TRPV1: variants seen among roughly 807,000 people sequenced by gnomAD.
The protein encoded by TRPV1 is transient receptor potential cation channel subfamily V member 1.
In TRPV1, 82 loss-of-function variants were observed where a neutral mutation model predicts 82.3. That is an observed-to-expected ratio of 1.00 (90% CI 0.83 to 1.20). TRPV1 has a LOEUF of 1.20. TRPV1 is among the 50% of genes most tolerant of loss of function. The pLI is 0.00. For missense variants in TRPV1, 1,067 were observed against 1,096.8 expected, an observed-to-expected ratio of 0.97 and a Z score of 0.38; for synonymous variants, 515 against 467.7, an observed-to-expected ratio of 1.10 and a Z score of -1.30.
At chr17:3,573,405 G>A (rs1567658865) in intron 14 of TRPV1, among the ~76,000 whole-genome samples, 10 of 152,184 alleles carry the variant, frequency 6.6e-5, no homozygotes, top group Admixed American at 6.5e-4. Context: ...TCCACTGAGG[G>A]AGGTGCTGAG....
At chr17:3,573,576 G>T in intron 14 of TRPV1, 57 bp downstream of exon 14, 1 of 891,202 alleles carries the variant, frequency 1.1e-6, no homozygotes, top group South Asian at 1.9e-5. Flanking sequence ...TAAGACAGCA[G>T]ACAGAGCCGC....
Position 3,590,538 on chromosome 17 carries a change from G to T in TRPV1, c.605-146C>A, listed in dbSNP as rs56249738. 1.5e-4 allele frequency: 188 copies of T among 1,280,196 alleles called. 1 individual carries two copies. The South Asian group carries it at 2.6e-3, about 18-fold the overall frequency. The allele number at this position is 1,280,196 out of a possible 1,614,324, so 79.3% of individuals were successfully genotyped here. ...CTGGAGGACCCCCCCACTGCAGGAG[G>T]CCAGGCCAGGGTCCCCCAAGGGGTC... On this transcript the variant is annotated intron_variant, in intron 5 of 16. Coordinates refer to ENST00000572705, the MANE Select transcript of TRPV1 (RefSeq NM_080704.4).
At position 3,573,895 on chromosome 17, in the gene TRPV1, T is replaced by C; in HGVS notation, c.1841A>G (p.His614Arg). 1.9e-6 allele frequency: 3 copies of C among 1,611,102 alleles called. No homozygotes were observed. Among genetic ancestry groups the C allele is most frequent in the Non-Finnish European group, 2.5e-6 (3 of 1,179,306 alleles). ...CCTGCAGGCAGGCCCCCGCCACCTG[T>C]GCGACGTGGACTCAGACGGCAGGGA... ...NDSLPSESTSHRWRGPACRPP... is the reference protein window; with the variant it reads ...NDSLPSESTSRRWRGPACRPP... Residue 614 changes from histidine to arginine, a missense_variant, in exon 14 of 17, where the codon CAC becomes CGC. By Grantham distance (29) the His-to-Arg change is conservative. Transcript: ENST00000572705.
chr17:3,594,997 G>C (rs191754621), intron 2 of TRPV1, among the ~76,000 whole-genome samples: 39 of 152,260 alleles, frequency 2.6e-4, no homozygotes, highest in Non-Finnish European at 1.0e-4. Context: ...CCAAGGAATT[G>C]AAAGCCAACA....
chr17:3,581,489 G>T (rs1461412127), intron 10 of TRPV1, among the ~76,000 whole-genome samples: 1 of 151,916 alleles, frequency 6.6e-6, no homozygotes, highest in South Asian at 2.1e-4. Flanking sequence ...AAAGACAGTT[G>T]TCTCTGTGAA....
rs1040701022 is a variant in TRPV1, at chr17:3,577,744, T to G, written c.1567A>C (p.Met523Leu). The change falls in exon 12 of 17, where the codon ATG becomes CTG. Residue 523 changes from methionine (M) to leucine (L), a missense_variant. By Grantham distance (15) the Met-to-Leu change is conservative. Transcript: ENST00000572705. ...EMLFFLQSLF[M>L]LATVVLYFSH... ...AAGTACAGCACCACGGTGGCCAGCA[T>G]GAACAGTGACTGCAGAAAGCTGCGG... 6.3e-7 allele frequency: 1 copy of G among 1,593,428 alleles called. No homozygotes were observed. The highest frequency in any genetic ancestry group is 1.8e-5 in the Admixed American group (1 of 56,584).
chr17:3,577,798 G>C, intron 11 of TRPV1, 35 bp from the exon 12 acceptor site: 1 of 1,564,192 alleles, frequency 6.4e-7, no homozygotes, highest in Non-Finnish European at 8.7e-7. Flanking sequence ...CCGTCTACGG[G>C]AACCCAGGAG....
At chr17:3,571,380 A>C in intron 16 of TRPV1, 144 bp downstream of exon 16, 1 of 627,328 alleles carries the variant, frequency 1.6e-6, no homozygotes, top group South Asian at 1.8e-5. Context: ...CTATGTGCTC[A>C]TGGCCGACGT....
At chr17:3,595,643 G>C (rs1004348674) in intron 2 of TRPV1, 1 of 152,248 alleles carries the variant, frequency 6.6e-6, no homozygotes, top group Admixed American at 6.5e-5. Context: ...CTGCTCGTTA[G>C]GCAGCCCAGC....
chr17:3,579,437 ACTTTC>A lies in TRPV1; in HGVS notation c.1547+1015_1547+1019del, dbSNP rs373283050. Among the ~76,000 whole-genome samples the A allele has an allele frequency of 2.4e-3, 358 of 152,120 alleles. 1 individual carries two copies. The highest frequency in any genetic ancestry group is 8.3e-3 in the African/African-American group (345 of 41,508). ...ACACTGGGGCTTGAGGCTCTGGCTT[ACTTTC>A]TGAAGGAAGGAGGTTTCCTGCCACA... On this transcript the variant is annotated intron_variant, in intron 11 of 16. Transcript: ENST00000572705.
At chr17:3,603,588 G>C (rs1322057497) in intron 2 of TRPV1, among the ~76,000 whole-genome samples, 1 of 152,200 alleles carries the variant, frequency 6.6e-6, no homozygotes. Flanking sequence ...TAGTGGGTGT[G>C]AATGGGCTCT....
At chr17:3,589,152 C>A (rs910491316) in intron 7 of TRPV1, among the ~76,000 whole-genome samples, 4 of 151,072 alleles carry the variant, frequency 2.6e-5, no homozygotes, top group Non-Finnish European at 5.9e-5. Flanking sequence ...ACCTAAAGCT[C>A]CTGCCTGCCA....
chr17:3,572,301 G>A (rs1055603565), intron 14 of TRPV1, 52 bp from the exon 15 acceptor site: 22 of 1,553,028 alleles, frequency 1.4e-5, no homozygotes, highest in Middle Eastern at 3.5e-4. Context: ...GGTGCATCCC[G>A]GGGCCACCCT....
Position 3,573,613 on chromosome 17 carries a change from C to T in TRPV1, c.2103+20G>A, listed in dbSNP as rs554343205. On this transcript the variant is annotated intron_variant, in intron 14 of 16. Coordinates refer to ENST00000572705, the MANE Select transcript of TRPV1 (RefSeq NM_080704.4). ...CACACTCTCCGCGCCACTCACCACC[C>T]CCCAACTCCACCCACCCACCTGCAG... 4 of 1,601,886 alleles carry T rather than the reference C, an allele frequency of 2.5e-6. No individual in the cohort carries two copies. In the South Asian group the frequency reaches 3.3e-5, roughly 13 times the overall value.
chr17:3,585,028 G>C (rs528451144), intron 9 of TRPV1: 1 of 152,376 alleles, frequency 6.6e-6, no homozygotes, highest in East Asian at 1.9e-4. Flanking sequence ...GAGCAAGTGA[G>C]TGAATGAAAG....
At chr17:3,567,179 G>GA (rs1282215358) in intron 16 of TRPV1, among the ~76,000 whole-genome samples, 192 bp from the exon 17 acceptor site, 2 of 142,448 alleles carry the variant, frequency 1.4e-5, no homozygotes, top group African/African-American at 5.2e-5. Context: ...ACAACATGGT[G>GA]AAACCCCATC....
At position 3,585,816 on chromosome 17, in the gene TRPV1, G is replaced by A; in HGVS notation, c.1335C>T (p.Tyr445=). Residue 445 remains tyrosine (Y), a synonymous_variant, in exon 9 of 17, where the codon TAC becomes TAT. Transcript: ENST00000572705. ...AGGCAGCCATGGTGAAGATGATCAT[G>A]TACAGGCAGTAGACCAGGAAGTTGA... is the stretch of plus-strand genomic sequence containing the variant. ...FYFNFLVYCL[Y]MIIFTMAAYY... is the part of the protein sequence containing the mutation. The A allele has an allele frequency of 3.1e-6, 5 of 1,613,846 alleles. No homozygotes were observed. The highest frequency in any genetic ancestry group is 4.2e-6 in the Non-Finnish European group (5 of 1,179,844).
chr17:3,590,907 C>CT (rs1323563343), intron 5 of TRPV1, 57 bp downstream of exon 5: 4 of 1,505,654 alleles, frequency 2.7e-6, no homozygotes, highest in Non-Finnish European at 3.5e-6. Flanking sequence ...ACAACCATGC[C>CT]CCCCTGCTTC....
In TRPV1 at chr17:3,566,953, G is replaced by A. The variant is rs754090419; in HGVS notation, c.2382C>T (p.Val794=). 3.7e-6 allele frequency: 6 copies of A among 1,613,916 alleles called. No individual in the cohort carries two copies. The highest frequency in any genetic ancestry group is 5.1e-6 in the Non-Finnish European group (6 of 1,179,880). ...GAGCACTTGCCTCTCTTAAAAGGGG[G>A]ACCAGGGCAAAGTTCTTCCAGTGTC... ...SGRHWKNFAL[V]PLLREASARD... is the part of the protein sequence containing the mutation. Residue 794 remains valine, a synonymous_variant, in exon 17 of 17, where the codon GTC becomes GTT. Transcript: ENST00000572705.
Sources: gnomAD v4.1 joint callset for allele counts (sites outside exome capture counted in the v4.1 genomes callset) on GRCh38, gnomAD v4.1.1 for gene constraint, MANE v1.5 for transcripts, NCBI Gene and HGNC (gene_info 2026-07-23, HGNC 2026-07-21) for gene names.